Variants in YY1 observed in about 807,000 individuals in gnomAD.
YY1 encodes the protein YY1 transcription factor.
In YY1, 2 loss-of-function variants were observed where a neutral mutation model predicts 35.6. The ratio of observed to expected loss-of-function variants is 0.06; its 90% CI spans 0.02 to 0.18. The LOEUF (loss-of-function observed/expected upper bound fraction) is 0.18. Ranked by LOEUF, YY1 falls within the 10% of genes least tolerant of loss-of-function variation. The pLI is 1.00. For missense variants in YY1, 322 were observed against 573.4 expected (o/e 0.56, Z 4.48); for synonymous variants, 268 against 238.9 (o/e 1.12, Z -1.12).
intron 1 of YY1, among the ~76,000 whole-genome samples, chr14:100,258,898 C>T (rs571861070): frequency 1.7e-4 from 26 of 152,316 alleles, no homozygotes; most frequent in African/African-American, 6.3e-4. Context: ...TCAAATGGAA[C>T]CTACGTTCTA....
intron 2 of YY1, among the ~76,000 whole-genome samples, chr14:100,262,961 G>A (rs2139590315): frequency 6.6e-6 from 1 of 152,254 alleles, no homozygotes; most frequent in South Asian, 2.1e-4. Context: ...AGGCTGGAGT[G>A]CAGTGGTGCA....
At chr14:100,260,079 T>C in intron 1 of YY1, among the ~76,000 whole-genome samples, 1 of 143,758 alleles carries the variant, frequency 7.0e-6, no homozygotes, top group South Asian at 2.3e-4. Flanking sequence ...ACTGGTGTTT[T>C]TTGTTTGTTT....
In YY1 at chr14:100,276,708, G is replaced by C. The variant is rs1891324101; in HGVS notation, c.1062+60G>C. On this transcript the variant is annotated intron_variant, in intron 4 of 4. Transcript: ENST00000262238. The surrounding 1 kb of genome is among the most constrained non-coding windows in gnomAD (Gnocchi z 4.1). ...TGCCTGTCTGAACACTGCAAGTGTA[G>C]GTGGTGTGGTGATGAGGCAGGAGGC... The C allele has an allele frequency of 1.2e-6, 2 of 1,609,444 alleles. No individual in the cohort carries two copies. Among genetic ancestry groups the C allele is most frequent in the Admixed American group, 3.3e-5 (2 of 59,976 alleles).
At position 100,279,355 on chromosome 14, in the gene YY1, C is replaced by T. The variant is rs1891377057; in HGVS notation, c.*1755C>T. The T allele has an allele frequency of 6.6e-6, 1 of 152,240 alleles. No homozygotes were observed. Among genetic ancestry groups the T allele is most frequent in the African/African-American group, 2.4e-5 (1 of 41,450 alleles). The allele number at this position is 152,240 out of a possible 1,614,324, so 9.4% of individuals were successfully genotyped here. A position where few individuals can be genotyped will look rare whatever the true frequency, so the allele number is the denominator to read the frequency against. Reference sequence around the variant, plus strand: ...CACATAGCCCATTGTCTTAGAGCTTCTCCATCGGTCCTGTACAGGAGGATT... The same window carrying T: ...CACATAGCCCATTGTCTTAGAGCTTTTCCATCGGTCCTGTACAGGAGGATT... On this transcript the variant is annotated 3_prime_UTR_variant, in exon 5 of 5. Coordinates refer to ENST00000262238, the MANE Select transcript of YY1 (RefSeq NM_003403.5).
chr14:100,249,248 G>A (rs1158163619), intron 1 of YY1, among the ~76,000 whole-genome samples: 1 of 151,048 alleles, frequency 6.6e-6, no homozygotes, highest in Non-Finnish European at 1.5e-5. Flanking sequence ...AGCCTCCTGA[G>A]TAACTGGGAT....
chr14:100,263,118 G>T (rs1207085543), intron 2 of YY1, among the ~76,000 whole-genome samples: 2 of 152,222 alleles, frequency 1.3e-5, no homozygotes, highest in Non-Finnish European at 2.9e-5. Context: ...CTGTTGGCCA[G>T]TCTGGTCTCG....
chr14:100,240,059 G>T, intron 1 of YY1, 136 bp downstream of exon 1: 1 of 823,220 alleles, frequency 1.2e-6, no homozygotes, highest in Non-Finnish European at 1.6e-6. Flanking sequence ...GGGCCGTGCG[G>T]CGGCGGGGGC....
intron 2 of YY1, among the ~76,000 whole-genome samples, chr14:100,266,764 A>G (rs1449816134): frequency 6.6e-6 from 1 of 152,202 alleles, no homozygotes; most frequent in Non-Finnish European, 1.5e-5. Context: ...AGAGACAATA[A>G]AACAATGCTT....
At chr14:100,248,916 T>C (rs1890878894) in intron 1 of YY1, among the ~76,000 whole-genome samples, 1 of 151,752 alleles carries the variant, frequency 6.6e-6, no homozygotes, top group Admixed American at 6.6e-5. Flanking sequence ...CTTGATCTCC[T>C]GACCTCATGA....
chr14:100,241,782 T>C (rs1890747062), intron 1 of YY1, among the ~76,000 whole-genome samples: 1 of 152,110 alleles, frequency 6.6e-6, no homozygotes. Flanking sequence ...CGAGACCAGC[T>C]GGCCATCATA....
chr14:100,277,651 T>C lies in YY1; in HGVS notation c.*51T>C. 1 of 1,575,534 alleles carries C rather than the reference T, an allele frequency of 6.3e-7. No individual in the cohort carries two copies. Among genetic ancestry groups the C allele is most frequent in the Non-Finnish European group, 8.7e-7 (1 of 1,148,586 alleles). ...CCACGGGAAGCATCTTCCAGAAGTG[T>C]GATTGGGAATAAATATGCCTCTCCT... On this transcript the variant is annotated 3_prime_UTR_variant, in exon 5 of 5. Transcript: ENST00000262238. The surrounding 1 kb of genome is among the most constrained non-coding windows in gnomAD (Gnocchi z 5.6).
At chr14:100,265,647 CTTTT>C (rs10594089) in intron 2 of YY1, among the ~76,000 whole-genome samples, 4 of 104,434 alleles carry the variant, frequency 3.8e-5, no homozygotes, top group Admixed American at 1.1e-4. Flanking sequence ...AACACTGAAG[CTTTT>C]TTTTTTTTTT....
In YY1 at chr14:100,250,468, C is replaced by T. The variant is rs142999924; in HGVS notation, c.679+10545C>T. Among the ~76,000 whole-genome samples, 1,446 of 151,982 alleles carry T rather than the reference C, an allele frequency of 9.5e-3. 17 individuals are homozygous for T. Among genetic ancestry groups the T allele is most frequent in the African/African-American group, 0.034 (1,390 of 41,396 alleles). ...CATGCATACATACATAGGTAAATAT[C>T]TCAGTTGGTGAAGGTGAATATAGAA... On this transcript the variant is annotated intron_variant, in intron 1 of 4. Coordinates refer to ENST00000262238, the MANE Select transcript of YY1 (RefSeq NM_003403.5).
chr14:100,245,701 G>A (rs1241869543), intron 1 of YY1, among the ~76,000 whole-genome samples: 4 of 151,968 alleles, frequency 2.6e-5, no homozygotes, highest in Admixed American at 2.6e-4. Context: ...CCACCTCCCG[G>A]GTTCACGACA....
At position 100,254,356 on chromosome 14, in the gene YY1, G is replaced by T. The variant is rs542787731; in HGVS notation, c.680-7948G>T. ...TGTGTGTCCAGCTTGTGAAAATGAG[G>T]CAGGTCAAATATTGTCCTTTTGATT... On this transcript the variant is annotated intron_variant, in intron 1 of 4. Coordinates refer to ENST00000262238, the MANE Select transcript of YY1 (RefSeq NM_003403.5). Among the ~76,000 whole-genome samples the T allele has an allele frequency of 2.6e-5, 4 of 152,284 alleles. No individual in the cohort carries two copies. The East Asian group carries it at 7.7e-4, about 29-fold the overall frequency.
chr14:100,240,376 C>G (rs1469625649), intron 1 of YY1, among the ~76,000 whole-genome samples: 3 of 149,528 alleles, frequency 2.0e-5, no homozygotes, highest in Admixed American at 1.3e-4. Flanking sequence ...TTGCTGCCTC[C>G]GGGACGCGCG....
intron 1 of YY1, among the ~76,000 whole-genome samples, chr14:100,244,242 G>C (rs1345913973): frequency 6.6e-6 from 1 of 151,316 alleles, no homozygotes; most frequent in Non-Finnish European, 1.5e-5. Flanking sequence ...TGTAATATCA[G>C]TATAGGAATC....
At chr14:100,262,281 G>T in intron 1 of YY1, 23 bp from the exon 2 acceptor site, 1 of 1,612,566 alleles carries the variant, frequency 6.2e-7, no homozygotes, top group South Asian at 1.1e-5. Context: ...CTCAGCTAAA[G>T]ATAATCTCAT....
rs1891458342 is a variant in YY1 at position 100,282,692 on chromosome 14, G to A, written c.*5092G>A. ...AGGCATCCGCATCCAGCATCAGATG[G>A]CTTTGCATCCAGAAAAACATTGATA... On this transcript the variant is annotated 3_prime_UTR_variant, in exon 5 of 5. Transcript: ENST00000262238. 6.6e-6 allele frequency: 1 copy of A among 152,176 alleles called. No homozygotes were observed. Among genetic ancestry groups the A allele is most frequent in the African/African-American group, 2.4e-5 (1 of 41,438 alleles). 9.4% of individuals were successfully genotyped at this position (152,176 alleles called of 1,614,324 possible).
Sources: allele counts gnomAD v4.1 joint callset (sites outside exome capture counted in the v4.1 genomes callset), GRCh38; gene constraint gnomAD v4.1.1; non-coding constraint Gnocchi (gnomAD v3.1); transcripts MANE v1.5; gene names NCBI Gene and HGNC (gene_info 2026-07-23, HGNC 2026-07-21).